Variants in ASPH observed in about 807,000 individuals in gnomAD.
ASPH encodes the protein aspartyl/asparaginyl beta-hydroxylase.
In ASPH, 100 loss-of-function variants were observed where a neutral mutation model predicts 118.4. The observed-to-expected ratio is 0.84, with a 90% CI of 0.72 to 1.00. The LOEUF (loss-of-function observed/expected upper bound fraction) is 1.00. Ranked by LOEUF, ASPH falls within the 50% of genes least tolerant of loss-of-function variation. The pLI, the probability that ASPH is intolerant of heterozygous loss-of-function variation, is 0.00. For missense variants in ASPH, 920 were observed against 919.5 expected (o/e 1.00, Z -0.01); for synonymous variants, 315 against 325.6 (o/e 0.97, Z 0.35).
intron 1 of ASPH, among the ~76,000 whole-genome samples, chr8:61,694,506 C>T (rs1833461367): frequency 6.6e-6 from 1 of 152,200 alleles, no homozygotes; most frequent in Non-Finnish European, 1.5e-5. Flanking sequence ...TCATTAAACC[C>T]AACGCAAAAC....
At chr8:61,523,324 T>C (rs112085568) in intron 22 of ASPH, among the ~76,000 whole-genome samples, 18 of 52,212 alleles carry the variant, frequency 3.4e-4, no homozygotes, top group South Asian at 1.8e-3. Context: ...TTCTTTCTTT[T>C]TTTTTTTTTT....
intron 15 of ASPH, among the ~76,000 whole-genome samples, chr8:61,580,787 A>T (rs2350585): frequency 0.28 from 42,492 of 152,090 alleles, 7,285 homozygotes; most frequent in African/African-American, 0.47. Context: ...CTCTCTTATG[A>T]GGAAACATGA....
chr8:61,567,116 C>A, intron 17 of ASPH, 52 bp downstream of exon 17: 3 of 1,583,660 alleles, frequency 1.9e-6, no homozygotes, highest in Admixed American at 3.5e-5. Flanking sequence ...TCAGCTTCTT[C>A]AAGATAAAAC....
At chr8:61,516,250 G>A (rs1357862716) in intron 24 of ASPH, among the ~76,000 whole-genome samples, 2 of 152,172 alleles carry the variant, frequency 1.3e-5, no homozygotes, top group Non-Finnish European at 2.9e-5. Context: ...GTGAGCAGGT[G>A]AGGCTCCTGC....
chr8:61,540,919 G>A (rs576418556), intron 21 of ASPH, among the ~76,000 whole-genome samples: 107 of 151,636 alleles, frequency 7.1e-4, no homozygotes, highest in African/African-American at 2.3e-3. Flanking sequence ...ATGGTGAAAC[G>A]CCATCTTTAT....
At chr8:61,510,700 C>T (rs773211247) in intron 24 of ASPH, among the ~76,000 whole-genome samples, 1 of 152,170 alleles carries the variant, frequency 6.6e-6, no homozygotes, top group Non-Finnish European at 1.5e-5. Flanking sequence ...GGGGTCAAGA[C>T]ATGGTATGGA....
chr8:61,625,250 T>A, intron 13 of ASPH: 1 of 985,764 alleles, frequency 1.0e-6, no homozygotes, highest in South Asian at 4.7e-5. Flanking sequence ...ATCTTCAGTG[T>A]AGAAAGAAAA....
chr8:61,635,074 C>T (rs1330961560), intron 12 of ASPH, among the ~76,000 whole-genome samples: 2 of 152,166 alleles, frequency 1.3e-5, no homozygotes, highest in Non-Finnish European at 2.9e-5. Context: ...CCACTTCATT[C>T]TGTATGGCTT....
chr8:61,677,070 C>T (rs531093645), intron 3 of ASPH, among the ~76,000 whole-genome samples: 3 of 152,208 alleles, frequency 2.0e-5, no homozygotes, highest in African/African-American at 7.2e-5. Context: ...TTCACTTTGC[C>T]TACCGATATG....
At chr8:61,528,634 G>A (rs1816401797) in intron 21 of ASPH, among the ~76,000 whole-genome samples, 1 of 152,076 alleles carries the variant, frequency 6.6e-6, no homozygotes, top group Non-Finnish European at 1.5e-5. Flanking sequence ...AAGCCCTAGG[G>A]AAAAATGTTA....
chr8:61,561,749 C>A (rs922439882), intron 18 of ASPH, among the ~76,000 whole-genome samples: 2 of 151,450 alleles, frequency 1.3e-5, no homozygotes, highest in African/African-American at 2.5e-5. Flanking sequence ...CATAGGAAGA[C>A]CTCACCATCA....
intron 3 of ASPH, among the ~76,000 whole-genome samples, chr8:61,677,985 A>G (rs1363542266): frequency 6.6e-6 from 1 of 152,134 alleles, no homozygotes; most frequent in Non-Finnish European, 1.5e-5. Context: ...AGAGAAAAAT[A>G]TATACTCTCG....
chr8:61,578,640 G>C (rs1050451548), intron 15 of ASPH: 51 of 1,577,090 alleles, frequency 3.2e-5, no homozygotes, highest in Non-Finnish European at 4.3e-5. Flanking sequence ...CAACATGTTC[G>C]AGAGCTACAT....
At chr8:61,617,010 G>C (rs1053788291) in intron 14 of ASPH, among the ~76,000 whole-genome samples, 3 of 152,178 alleles carry the variant, frequency 2.0e-5, no homozygotes, top group African/African-American at 7.2e-5. Flanking sequence ...GTCGGTTTTA[G>C]ACTTGTTAAG....
At chr8:61,607,624 GA>G (rs35431863) in intron 14 of ASPH, among the ~76,000 whole-genome samples, 60,317 of 147,194 alleles carry the variant, frequency 0.41, 13,204 homozygotes, top group Non-Finnish European at 0.51. Context: ...AGAGTTAAAG[GA>G]AAAAAAAAAA....
chr8:61,557,932 C>T (rs1056942185), intron 18 of ASPH, among the ~76,000 whole-genome samples: 3 of 152,242 alleles, frequency 2.0e-5, no homozygotes, highest in Non-Finnish European at 4.4e-5. Context: ...ATAATTATTA[C>T]AGCTACACAG....
intron 15 of ASPH, among the ~76,000 whole-genome samples, chr8:61,577,143 A>C (rs1303129797): frequency 6.6e-6 from 1 of 151,924 alleles, no homozygotes; most frequent in East Asian, 1.9e-4. Flanking sequence ...ACTTGGACAC[A>C]GGGTGGGGAA....
intron 1 of ASPH, among the ~76,000 whole-genome samples, chr8:61,695,385 G>A (rs1833685290): frequency 6.6e-6 from 1 of 152,184 alleles, no homozygotes; most frequent in Non-Finnish European, 1.5e-5. Context: ...CGTGGCTCCA[G>A]TCTTAGTGTT....
chr8:61,588,605 C>T (rs1015887453), intron 14 of ASPH, among the ~76,000 whole-genome samples: 1 of 152,186 alleles, frequency 6.6e-6, no homozygotes, highest in African/African-American at 2.4e-5. Flanking sequence ...CTCCCTGACT[C>T]GAGTCTGTTC....
Sources: allele counts gnomAD v4.1 joint callset (sites outside exome capture counted in the v4.1 genomes callset), GRCh38; gene constraint gnomAD v4.1.1; transcripts MANE v1.5; gene names NCBI Gene and HGNC (gene_info 2026-07-23, HGNC 2026-07-21).